Variants in NSMAF observed in about 807,000 individuals in gnomAD.
NSMAF encodes the protein neutral sphingomyelinase activation associated factor.
Under a neutral mutation model 134.9 loss-of-function variants are expected in NSMAF, and 90 were observed. That is an observed-to-expected ratio of 0.67 (90% CI 0.56 to 0.79). The LOEUF is 0.79. Ranked by LOEUF, NSMAF falls within the 30% of genes least tolerant of loss-of-function variation. The pLI is 0.00. For missense variants in NSMAF, 1,010 were observed against 1,119.0 expected, an observed-to-expected ratio of 0.90 and a Z score of 1.39; for synonymous variants, 358 against 389.6, an observed-to-expected ratio of 0.92 and a Z score of 0.96.
At chr8:58,612,984 C>T (rs946265274) in intron 9 of NSMAF, among the ~76,000 whole-genome samples, 3 of 151,996 alleles carry the variant, frequency 2.0e-5, no homozygotes, top group Non-Finnish European at 2.9e-5. Context: ...AAACACCCTT[C>T]GAAAATGAAG....
chr8:58,601,243 C>T (rs1408763825), intron 16 of NSMAF, 42 bp downstream of exon 16: 1 of 1,483,204 alleles, frequency 6.7e-7, no homozygotes, highest in African/African-American at 1.4e-5. Context: ...TATATACAAT[C>T]AGAAAGTGTT....
intron 26 of NSMAF, among the ~76,000 whole-genome samples, chr8:58,587,944 G>A (rs1174486699): frequency 6.6e-6 from 1 of 152,148 alleles, no homozygotes; most frequent in Middle Eastern, 3.2e-3. Flanking sequence ...CTGTAATCGT[G>A]TGACTTTAGT....
intron 1 of NSMAF, among the ~76,000 whole-genome samples, chr8:58,658,969 C>T (rs992118327): frequency 2.4e-4 from 37 of 152,326 alleles, no homozygotes; most frequent in African/African-American, 7.7e-4. Flanking sequence ...CCTTGGCTTT[C>T]CTCAGAATCA....
In NSMAF at chr8:58,585,266, G is replaced by A. The variant is rs142191042; in HGVS notation, c.2659+386C>T. ...GGAGGACTGGGAGGTAGGAGTCAGC[G>A]GTAGAAAGAAGCCTTAATTTTCATT... On this transcript the variant is annotated intron_variant, in intron 30 of 30. Transcript: ENST00000038176. Among the ~76,000 whole-genome samples, 707 of 151,182 alleles carry A rather than the reference G, an allele frequency of 4.7e-3. 6 individuals carry two copies. The highest frequency in any genetic ancestry group is 0.016 in the African/African-American group (661 of 41,098).
In NSMAF at chr8:58,635,364, C is replaced by T; in HGVS notation, c.237G>A (p.Leu79=). 1 of 1,603,764 alleles carries T rather than the reference C, an allele frequency of 6.2e-7. No individual in the cohort carries two copies. The highest frequency in any genetic ancestry group is 2.2e-5 in the East Asian group (1 of 44,692). The change falls in exon 4 of 31, where the codon TTG becomes TTA. Residue 79 remains leucine, a synonymous_variant. Transcript: ENST00000038176. Reference sequence around the variant, plus strand: ...GCTTTCCTATTTTTATACAGTCTCTCAAAGGAATCTGGATAAAATTGAGAG... The same window carrying T: ...GCTTTCCTATTTTTATACAGTCTCTTAAAGGAATCTGGATAAAATTGAGAG... ...SISQPIIKIP[L]RDCIKIGKHG... is the part of the protein sequence containing the mutation.
At chr8:58,629,478 A>C (rs2129145303) in intron 6 of NSMAF, among the ~76,000 whole-genome samples, 1 of 152,290 alleles carries the variant, frequency 6.6e-6, no homozygotes, top group Admixed American at 6.5e-5. Flanking sequence ...TTATGACAAT[A>C]GTTTTGAATT....
intron 9 of NSMAF, among the ~76,000 whole-genome samples, chr8:58,613,982 C>T (rs1356506384): frequency 6.6e-6 from 1 of 152,128 alleles, no homozygotes; most frequent in Admixed American, 6.5e-5. Context: ...TCAAGTGGTA[C>T]AGCAAAATGC....
At chr8:58,600,755 A>T (rs1391892741) in intron 16 of NSMAF, among the ~76,000 whole-genome samples, 1 of 123,616 alleles carries the variant, frequency 8.1e-6, no homozygotes, top group Non-Finnish European at 1.9e-5. Flanking sequence ...AACAATTATT[A>T]TCTCAGTGTG....
chr8:58,623,290 GA>G lies in NSMAF; in HGVS notation c.505-19del, dbSNP rs1357608230. On this transcript the variant is annotated intron_variant, in intron 8 of 30. Coordinates refer to ENST00000038176, the MANE Select transcript of NSMAF (RefSeq NM_003580.4). ...GCTGTTATCTATTAAAACAGAACCAGAAAAAAAGTATTTATAAGTATTTATA... is the reference window on the plus strand; with the variant it reads ...GCTGTTATCTATTAAAACAGAACCAGAAAAAAGTATTTATAAGTATTTATA... 4 of 1,470,250 alleles carry G rather than the reference GA, an allele frequency of 2.7e-6. No individual in the cohort carries two copies. Among genetic ancestry groups the G allele is most frequent in the South Asian group, 1.3e-5 (1 of 78,258 alleles). The allele number at this position is 1,470,250 out of a possible 1,614,324, so 91.1% of individuals were successfully genotyped here.
In NSMAF at chr8:58,656,007, T is replaced by C. The variant is rs144678337; in HGVS notation, c.59+3566A>G. The stretch of plus-strand genomic sequence containing the variant: ...ACAATAAAATCAATATGGTTCCTGC[T>C]ATCTAAATCTTTTTTTTGTTTGTTT... On this transcript the variant is annotated intron_variant, in intron 1 of 30. Transcript: ENST00000038176. Among the ~76,000 whole-genome samples the C allele has an allele frequency of 7.8e-3, 1,168 of 148,796 alleles. 19 individuals are homozygous for C. Among genetic ancestry groups the C allele is most frequent in the African/African-American group, 0.028 (1,096 of 39,558 alleles).
intron 23 of NSMAF, 115 bp from the exon 24 acceptor site, chr8:58,591,049 G>A (rs1425581513): frequency 1.6e-6 from 2 of 1,223,298 alleles, no homozygotes; most frequent in African/African-American, 1.5e-5. Context: ...ATACTCCAAA[G>A]TATAATCTTA....
At chr8:58,650,575 A>G (rs1285304209) in intron 1 of NSMAF, among the ~76,000 whole-genome samples, 1 of 152,150 alleles carries the variant, frequency 6.6e-6, no homozygotes, top group Non-Finnish European at 1.5e-5. Context: ...CTGGGTCAAT[A>G]TGCTTTCCAA....
intron 27 of NSMAF, 120 bp from the exon 28 acceptor site, chr8:58,586,728 G>T: frequency 1.4e-6 from 1 of 728,536 alleles, no homozygotes; most frequent in South Asian, 2.0e-5. Context: ...TGTGCAGTAT[G>T]CCGGTGTTGC....
chr8:58,615,199 C>T (rs1344044740), intron 9 of NSMAF, among the ~76,000 whole-genome samples: 1 of 152,156 alleles, frequency 6.6e-6, no homozygotes, highest in Non-Finnish European at 1.5e-5. Flanking sequence ...ACACAAAATG[C>T]ATAAATTGAC....
Position 58,603,280 on chromosome 8 carries a change from G to T in NSMAF, c.975C>A (p.Arg325=). 6.2e-7 allele frequency: 1 copy of T among 1,614,218 alleles called. No individual in the cohort carries two copies. ...YLLHLNNLAD[R]SCNDLSQYPV... is the part of the protein sequence containing the mutation. ...GGTACTGGGAGAGGTCGTTGCAGCT[G>T]CGGTCGGCCAGGTTGTTGAGGTGAA... Residue 325 remains arginine, a synonymous_variant, in exon 13 of 31, where the codon CGC becomes CGA. Coordinates refer to ENST00000038176, the MANE Select transcript of NSMAF (RefSeq NM_003580.4).
chr8:58,595,645 C>T lies in NSMAF; in HGVS notation c.1807G>A (p.Glu603Lys). The change falls in exon 22 of 31, where the codon GAA becomes AAA. Residue 603 changes from glutamate to lysine, a missense_variant. Physicochemically the swap from Glu to Lys is moderately conservative, Grantham distance 56. Transcript: ENST00000038176. ...GTTTTGCTTTCTTCGGTCAGGTCTT[C>T]AAAAGACTCTTCACCTGGAGAGACG... Reference protein sequence around the residue: ...MADSPGEESFEDLTEESKTLA... With the variant: ...MADSPGEESFKDLTEESKTLA... 6.2e-7 allele frequency: 1 copy of T among 1,613,172 alleles called. No individual in the cohort carries two copies. The highest frequency in any genetic ancestry group is 1.3e-5 in the African/African-American group (1 of 74,984).
At chr8:58,598,490 C>CAAAAAAAAAATAAAAAAAAAAA (rs1806189801) in intron 19 of NSMAF, among the ~76,000 whole-genome samples, 1 of 125,952 alleles carries the variant, frequency 7.9e-6, no homozygotes, top group African/African-American at 3.1e-5. Flanking sequence ...CTGTCTCAAA[C>CAAAAAAAAAATAAAAAAAAAAA]AAAAAAAAAA....
intron 20 of NSMAF, 90 bp downstream of exon 20, chr8:58,597,770 A>G (rs749763678): frequency 5.4e-5 from 56 of 1,042,838 alleles, no homozygotes; most frequent in Non-Finnish European, 7.4e-5. Flanking sequence ...TAAAATTTCC[A>G]TACCTCAACC....
intron 6 of NSMAF, 101 bp from the exon 7 acceptor site, chr8:58,623,881 G>T: frequency 1.1e-6 from 1 of 915,180 alleles, no homozygotes. Context: ...GATAAAATCT[G>T]CATGTTTTAC....
Sources: gnomAD v4.1 joint callset for allele counts (sites outside exome capture counted in the v4.1 genomes callset) on GRCh38, gnomAD v4.1.1 for gene constraint, MANE v1.5 for transcripts, NCBI Gene and HGNC (gene_info 2026-07-23, HGNC 2026-07-21) for gene names.